Variants in MON2 observed in about 807,000 individuals in gnomAD.
MON2 encodes MON2 regulator of endosome-to-Golgi trafficking.
A neutral mutation model predicts 208.6 loss-of-function variants in MON2; 84 were observed. The observed-to-expected ratio is 0.40, with a 90% CI of 0.34 to 0.48. MON2 has a LOEUF of 0.48. Among genes scored for constraint, MON2 ranks in the 20% least tolerant of loss-of-function variants. MON2 has a pLI of 0.59. For synonymous variants in MON2, 660 were observed against 694.0 expected (o/e 0.95, Z 0.77); for missense variants, 1,611 against 2,015.4 (o/e 0.80, Z 3.84).
intron 20 of MON2, among the ~76,000 whole-genome samples, chr12:62,543,733 G>A (rs181459381): frequency 1.1e-4 from 17 of 152,068 alleles, no homozygotes; most frequent in East Asian, 7.8e-4. Flanking sequence ...TCAGCCTCCC[G>A]AGTAGCTGGG....
At chr12:62,563,708 T>C (rs1416542342) in intron 26 of MON2, among the ~76,000 whole-genome samples, 2 of 152,144 alleles carry the variant, frequency 1.3e-5, no homozygotes, top group African/African-American at 2.4e-5. Context: ...ACTATAACAC[T>C]ATTAGTATGT....
intron 7 of MON2, among the ~76,000 whole-genome samples, chr12:62,505,699 A>G (rs1196141003): frequency 6.6e-6 from 1 of 151,406 alleles, no homozygotes; most frequent in Non-Finnish European, 1.5e-5. Flanking sequence ...TGGGCAACAT[A>G]GTGAGACCTT....
chr12:62,589,617 A>G (rs1592487475), intron 34 of MON2, among the ~76,000 whole-genome samples: 1 of 152,002 alleles, frequency 6.6e-6, no homozygotes, highest in African/African-American at 2.4e-5. Flanking sequence ...GTTTTCTTCA[A>G]AAAGTGTCCT....
intron 7 of MON2, among the ~76,000 whole-genome samples, chr12:62,502,364 A>G (rs1485583696): frequency 1.3e-5 from 2 of 151,740 alleles, no homozygotes; most frequent in Non-Finnish European, 2.9e-5. Context: ...TCAAGCCACT[A>G]CATTCCAGCC....
rs538544413 is a variant in MON2 at position 62,524,465 on chromosome 12, A to C, written c.985-50A>C. 9.6e-6 allele frequency: 14 copies of C among 1,463,896 alleles called. No homozygotes were observed. In the African/African-American group the frequency reaches 1.7e-4, roughly 18 times the overall value. The allele number at this position is 1,463,896 out of a possible 1,614,324, so 90.7% of individuals were successfully genotyped here. ...GTTAAGAATAAGAACACAGTCTATA[A>C]TTCTTCTCTTTGATTCAAAGAAATA... On this transcript the variant is annotated intron_variant, in intron 8 of 34. Coordinates refer to ENST00000393630, the MANE Select transcript of MON2 (RefSeq NM_015026.3).
At chr12:62,520,920 A>G (rs2072000536) in intron 8 of MON2, among the ~76,000 whole-genome samples, 1 of 148,264 alleles carries the variant, frequency 6.7e-6, no homozygotes, top group East Asian at 1.9e-4. Flanking sequence ...AAAAAAAGAC[A>G]TGTACTTATG....
At chr12:62,536,758 G>A (rs1171445140) in intron 14 of MON2, among the ~76,000 whole-genome samples, 1 of 149,716 alleles carries the variant, frequency 6.7e-6, no homozygotes, top group Non-Finnish European at 1.5e-5. Context: ...CCCAGATCTT[G>A]GCTCACTGCA....
At chr12:62,515,738 C>G (rs993615951) in intron 8 of MON2, among the ~76,000 whole-genome samples, 5 of 151,776 alleles carry the variant, frequency 3.3e-5, no homozygotes, top group African/African-American at 1.2e-4. Context: ...TTGCTTGAAT[C>G]TGGGAGGCAG....
rs753401098 is a variant in MON2 at position 62,565,221 on chromosome 12, T to G, written c.4033-16T>G. ...TTCAGATTATGCATTCTAATGTTCT[T>G]ATTTTGCTTTTATAGGCCATTTGTG... On this transcript the variant is annotated splice_polypyrimidine_tract_variant and intron_variant, in intron 26 of 34. Coordinates refer to ENST00000393630, the MANE Select transcript of MON2 (RefSeq NM_015026.3). 9 of 1,609,372 alleles carry G rather than the reference T, an allele frequency of 5.6e-6. No individual in the cohort carries two copies. The highest frequency in any genetic ancestry group is 7.6e-6 in the Non-Finnish European group (9 of 1,176,994).
In MON2 at chr12:62,467,107, G is replaced by A; in HGVS notation, c.-101G>A. 1.1e-6 allele frequency: 1 copy of A among 924,266 alleles called. No individual in the cohort carries two copies. The highest frequency in any genetic ancestry group is 3.4e-4 in the Middle Eastern group (1 of 2,944). The allele number at this position is 924,266 out of a possible 1,614,324, so 57.3% of individuals were successfully genotyped here. A position where few individuals can be genotyped will look rare whatever the true frequency, so the allele number is the denominator to read the frequency against. ...AGGGCCCAAGAAGCGGGCTGCTGAAGGACCAGAGACACCGGGAGGGAGCTG... is the reference window on the plus strand; with the variant it reads ...AGGGCCCAAGAAGCGGGCTGCTGAAAGACCAGAGACACCGGGAGGGAGCTG... On this transcript the variant is annotated 5_prime_UTR_variant, in exon 1 of 35. Transcript: ENST00000393630.
At chr12:62,540,669 A>G (rs2073193099) in intron 19 of MON2, among the ~76,000 whole-genome samples, 1 of 152,194 alleles carries the variant, frequency 6.6e-6, no homozygotes, top group African/African-American at 2.4e-5. Flanking sequence ...TACGCTGAGT[A>G]AAATAGAGAT....
rs1345831583 is a variant in MON2 at position 62,508,374 on chromosome 12, C to T, written c.878C>T (p.Ser293Phe). The T allele has an allele frequency of 6.2e-7, 1 of 1,613,962 alleles. No individual in the cohort carries two copies. The highest frequency in any genetic ancestry group is 1.1e-5 in the South Asian group (1 of 91,080). ...CCAAATATAAAGTTCAGACAAGGTTCCAGCACCTCATCTTCTCCAGCACCA... is the reference window on the plus strand; with the variant it reads ...CCAAATATAAAGTTCAGACAAGGTTTCAGCACCTCATCTTCTCCAGCACCA... ...FSPNIKFRQG[S>F]STSSSPAPVE... The change falls in exon 8 of 35, where the codon TCC becomes TTC. Residue 293 changes from serine to phenylalanine, a missense_variant. By Grantham distance (155) the Ser-to-Phe change is radical. Transcript: ENST00000393630.
intron 34 of MON2, among the ~76,000 whole-genome samples, chr12:62,591,293 A>T (rs2075389931): frequency 6.6e-6 from 1 of 151,542 alleles, no homozygotes; most frequent in Non-Finnish European, 1.5e-5. Flanking sequence ...CTCCAGCCTG[A>T]CTCCTCACCC....
intron 12 of MON2, among the ~76,000 whole-genome samples, chr12:62,534,263 G>A (rs1470413195): frequency 6.6e-6 from 1 of 151,364 alleles, no homozygotes; most frequent in Non-Finnish European, 1.5e-5. Flanking sequence ...GCTCACGCCT[G>A]TAATCCCAGT....
chr12:62,565,062 T>C, intron 26 of MON2, 175 bp from the exon 27 acceptor site: 1 of 561,658 alleles, frequency 1.8e-6, no homozygotes. Context: ...TTTCAGCCTA[T>C]ACTTTATTCT....
chr12:62,495,157 CTGTT>C lies in MON2; in HGVS notation c.435+13_435+16del. The stretch of plus-strand genomic sequence containing the variant: ...TGAGGCACTTTCTAAGGTAGGAAAA[CTGTT>C]TGCCAGAGTTCATATGTGCTTTGAG... On this transcript the variant is annotated intron_variant, in intron 4 of 34. Transcript: ENST00000393630. The C allele has an allele frequency of 6.3e-7, 1 of 1,597,620 alleles. No homozygotes were observed. The highest frequency in any genetic ancestry group is 8.5e-7 in the Non-Finnish European group (1 of 1,171,328).
In MON2 at chr12:62,595,808, C is replaced by T. The variant is rs1435303345; in HGVS notation, c.*3059C>T. ...CATAAAAAAGTCTAGCTTAGAACCACTTTTCACTTGCTTTCATTTTTAATT... is the reference window on the plus strand; with the variant it reads ...CATAAAAAAGTCTAGCTTAGAACCATTTTTCACTTGCTTTCATTTTTAATT... On this transcript the variant is annotated 3_prime_UTR_variant, in exon 35 of 35. Transcript: ENST00000393630. 6.6e-6 allele frequency: 1 copy of T among 152,326 alleles called. No individual in the cohort carries two copies. Among genetic ancestry groups the T allele is most frequent in the East Asian group, 1.9e-4 (1 of 5,180 alleles). 9.4% of individuals were successfully genotyped at this position (152,326 alleles called of 1,614,324 possible). A position where few individuals can be genotyped will look rare whatever the true frequency, so the allele number is the denominator to read the frequency against.
chr12:62,588,033 T>G lies in MON2; in HGVS notation c.4908-41T>G, dbSNP rs748912158. The G allele has an allele frequency of 2.9e-6, 4 of 1,386,984 alleles. No individual in the cohort carries two copies. The Admixed American group carries it at 5.6e-5, about 19-fold the overall frequency. 85.9% of individuals were successfully genotyped at this position (1,386,984 alleles called of 1,614,324 possible). ...TTAAAAAACAAACATACCTGGCAACTTTAAAATCTTAATGGAAATGATTTC... is the reference window on the plus strand; with the variant it reads ...TTAAAAAACAAACATACCTGGCAACGTTAAAATCTTAATGGAAATGATTTC... On this transcript the variant is annotated intron_variant, in intron 33 of 34. Coordinates refer to ENST00000393630, the MANE Select transcript of MON2 (RefSeq NM_015026.3).
chr12:62,508,270 T>C lies in MON2; in HGVS notation c.790-16T>C. On this transcript the variant is annotated splice_polypyrimidine_tract_variant and intron_variant, in intron 7 of 34. Coordinates refer to ENST00000393630, the MANE Select transcript of MON2 (RefSeq NM_015026.3). ...AAAGTTAATTATTTTTTTCTTTCTT[T>C]TTTCCTTGCAAATAGCACCAAGAAT... 1 of 1,594,872 alleles carries C rather than the reference T, an allele frequency of 6.3e-7. No homozygotes were observed. Among genetic ancestry groups the C allele is most frequent in the Non-Finnish European group, 8.6e-7 (1 of 1,168,752 alleles).
Sources: gnomAD v4.1 joint callset for allele counts (sites outside exome capture counted in the v4.1 genomes callset) on GRCh38, gnomAD v4.1.1 for gene constraint, MANE v1.5 for transcripts, NCBI Gene and HGNC (gene_info 2026-07-23, HGNC 2026-07-21) for gene names.